ASIC3: variants seen among roughly 807,000 people sequenced by gnomAD.
ASIC3 encodes the protein acid-sensing ion channel 3.
A neutral mutation model predicts 58.6 loss-of-function variants in ASIC3; 46 were observed. The ratio of observed to expected loss-of-function variants is 0.79; its 90% CI spans 0.62 to 1.00. ASIC3 has a LOEUF of 1.00. Ranked by LOEUF, ASIC3 falls within the 50% of genes least tolerant of loss-of-function variation. ASIC3 has a pLI of 0.00. For synonymous variants in ASIC3, 336 were observed against 300.2 expected, an observed-to-expected ratio of 1.12 and a Z score of -1.23; for missense variants, 770 against 735.0, an observed-to-expected ratio of 1.05 and a Z score of -0.55.
rs766867558 is a variant in ASIC3 at position 151,049,385 on chromosome 7, G to A, written c.500G>A (p.Arg167His). 29 of 1,602,922 alleles carry A rather than the reference G, an allele frequency of 1.8e-5. No individual in the cohort carries two copies. Among genetic ancestry groups the A allele is most frequent in the African/African-American group, 6.7e-5 (5 of 74,770 alleles). The part of the protein sequence containing the change: ...LDDMLLDCRF[R>H]GQPCGPENFT... ...GACATGCTGCTGGACTGTCGCTTCC[G>A]TGGCCAACCTTGTGGGCCTGAGAAC... Residue 167 changes from arginine to histidine, a missense_variant, in exon 1 of 11, where the codon CGT becomes CAT. Coordinates refer to ENST00000349064, the MANE Select transcript of ASIC3 (RefSeq NM_004769.4).
Position 151,049,065 on chromosome 7 carries a change from G to T in ASIC3, c.180G>T (p.Val60=). 2 of 1,613,360 alleles carry T rather than the reference G, an allele frequency of 1.2e-6. No homozygotes were observed. Among genetic ancestry groups the T allele is most frequent in the East Asian group, 4.5e-5 (2 of 44,870 alleles). Residue 60 remains valine (V), a synonymous_variant, in exon 1 of 11, where the codon GTG becomes GTT. Transcript: ENST00000349064. ...CAGTGGCCACCTTCCTCTACCAGGTGGCTGAGAGGGTGCGCTACTACAGGG... is the reference window on the plus strand; with the variant it reads ...CAGTGGCCACCTTCCTCTACCAGGTTGCTGAGAGGGTGCGCTACTACAGGG... ...VLSVATFLYQ[V]AERVRYYREF... is the part of the protein sequence containing the mutation.
In ASIC3 at chr7:151,052,234, T is replaced by C; in HGVS notation, c.1455T>C (p.Asn485=). The change falls in exon 9 of 11, where the codon AAT becomes AAC. Residue 485 remains asparagine (N), a synonymous_variant. Coordinates refer to ENST00000349064, the MANE Select transcript of ASIC3 (RefSeq NM_004769.4). This position sits in a 1 kb window ranked among gnomAD's most constrained non-coding sequence, Gnocchi z 5.0. ...RQHSQRHSST[N]LLQEGLGSHR... ...ACTCCCAAAGGCACTCCAGCACCAA[T>C]CTGGTAACAGCCCCTCTTCTGGAGC... 13 of 1,613,978 alleles carry C rather than the reference T, an allele frequency of 8.1e-6. No individual in the cohort carries two copies. Among genetic ancestry groups the C allele is most frequent in the Non-Finnish European group, 1.1e-5 (13 of 1,179,982 alleles).
intron 3 of ASIC3, 37 bp from the exon 4 acceptor site, chr7:151,050,721 C>T: frequency 1.2e-6 from 2 of 1,607,858 alleles, no homozygotes; most frequent in Non-Finnish European, 1.7e-6. Context: ...GCCTCTCACG[C>T]TCTCCGGGAA....
chr7:151,048,800 C>A lies in ASIC3; in HGVS notation c.-86C>A. ...CCTCTCCTTGCCTGGCCTCCTGAAT[C>A]CTATCTTAGCCTCCTTAGCCCCCTG... On this transcript the variant is annotated 5_prime_UTR_variant, in exon 1 of 11. Coordinates refer to ENST00000349064, the MANE Select transcript of ASIC3 (RefSeq NM_004769.4). The A allele has an allele frequency of 6.8e-7, 1 of 1,475,858 alleles. No homozygotes were observed. Among genetic ancestry groups the A allele is most frequent in the Non-Finnish European group, 9.1e-7 (1 of 1,100,626 alleles). 91.4% of individuals were successfully genotyped at this position (1,475,858 alleles called of 1,614,324 possible). A position where few individuals can be genotyped will look rare whatever the true frequency, so the allele number is the denominator to read the frequency against.
intron 3 of ASIC3, 33 bp downstream of exon 3, chr7:151,050,641 T>A (rs756159075): frequency 3.7e-6 from 6 of 1,613,020 alleles, no homozygotes; most frequent in East Asian, 4.5e-5. Flanking sequence ...ACCTACTACT[T>A]CAAGCCCACA....
At chr7:151,050,344 T>A in intron 2 of ASIC3, 88 bp downstream of exon 2, 1 of 1,566,310 alleles carries the variant, frequency 6.4e-7, no homozygotes. Flanking sequence ...GGTGTCAGGG[T>A]GTTCCCCCAG....
rs934171881 is a variant in ASIC3, at chr7:151,049,996, G to A, written c.535-110G>A. ...CGTGGGGCTGGGGGCATTGAGATGC[G>A]GGCTTCAGTATTCAAAGAAGAGACG... On this transcript the variant is annotated intron_variant, in intron 1 of 10. Coordinates refer to ENST00000349064, the MANE Select transcript of ASIC3 (RefSeq NM_004769.4). 3.3e-5 allele frequency: 47 copies of A among 1,428,976 alleles called. No homozygotes were observed. The East Asian group carries it at 7.1e-4, about 21-fold the overall frequency. 88.5% of individuals were successfully genotyped at this position (1,428,976 alleles called of 1,614,324 possible). A position where few individuals can be genotyped will look rare whatever the true frequency, so the allele number is the denominator to read the frequency against.
chr7:151,052,344 G>A lies in ASIC3; in HGVS notation c.1459-72G>A, dbSNP rs1796802546. 1.9e-6 allele frequency: 3 copies of A among 1,612,730 alleles called. No homozygotes were observed. The South Asian group carries it at 3.3e-5, about 18-fold the overall frequency. ...CAGCTGAGGAGAAACAGGCAGGAGG[G>A]TGTGCAGTGACCTCGACTGGTCCCT... On this transcript the variant is annotated intron_variant, in intron 9 of 10. Coordinates refer to ENST00000349064, the MANE Select transcript of ASIC3 (RefSeq NM_004769.4). This position sits in a 1 kb window ranked among gnomAD's most constrained non-coding sequence, Gnocchi z 5.0.
chr7:151,049,558 AC>A (rs1796717658), intron 1 of ASIC3, 139 bp downstream of exon 1: 2 of 1,033,904 alleles, frequency 1.9e-6, no homozygotes, highest in Non-Finnish European at 2.7e-6. Context: ...TGGACTCCCC[AC>A]CCCCCAGTGC....
chr7:151,051,920 C>CA lies in ASIC3; in HGVS notation c.1306+20dup. On this transcript the variant is annotated intron_variant, in intron 7 of 10. Coordinates refer to ENST00000349064, the MANE Select transcript of ASIC3 (RefSeq NM_004769.4). ...CTGCTTGGTGTGTGTGCAGGGCCCC[C>CA]AGGGCTGGGGGGGTGTGGGCAGGCA... 6.2e-7 allele frequency: 1 copy of CA among 1,613,506 alleles called. No individual in the cohort carries two copies. The highest frequency in any genetic ancestry group is 8.5e-7 in the Non-Finnish European group (1 of 1,179,876).
upstream of ASIC3, chr7:151,048,421 A>T (rs1020803409): frequency 6.0e-6 from 1 of 165,470 alleles, no homozygotes; most frequent in Non-Finnish European, 1.3e-5. Context: ...TTGGACAGCC[A>T]TGCCCCCCTC....
intron 1 of ASIC3, 70 bp downstream of exon 1, chr7:151,049,489 A>G (rs1484229395): frequency 2.0e-6 from 3 of 1,500,936 alleles, no homozygotes; most frequent in African/African-American, 2.8e-5. Context: ...AGCACCCACA[A>G]TTCCCTAGCC....
At chr7:151,051,384 G>A (rs2150359484) in intron 6 of ASIC3, 65 bp downstream of exon 6, 5 of 1,415,008 alleles carry the variant, frequency 3.5e-6, no homozygotes, top group Middle Eastern at 2.6e-4. Flanking sequence ...GAACGGGGCA[G>A]GCCAGGCCGT....
intron 6 of ASIC3, 56 bp from the exon 7 acceptor site, chr7:151,051,754 C>A: frequency 6.3e-7 from 1 of 1,575,662 alleles, no homozygotes; most frequent in Non-Finnish European, 8.7e-7. Context: ...TGCTTCTTGC[C>A]AGCAGTGGGC....
chr7:151,048,935 T>C lies in ASIC3; in HGVS notation c.50T>C (p.Ile17Thr). The C allele has an allele frequency of 6.3e-7, 1 of 1,576,844 alleles. No individual in the cohort carries two copies. The stretch of plus-strand genomic sequence containing the variant: ...GAGGCCCGGCGGCCAGCCTCGGACA[T>C]CCGCGTGTTCGCCAGCAACTGCTCG... ...PEEARRPASDIRVFASNCSMH... is the reference protein window; with the variant it reads ...PEEARRPASDTRVFASNCSMH... The change falls in exon 1 of 11, where the codon ATC (isoleucine) becomes ACC (threonine). Residue 17 changes from isoleucine to threonine, a missense_variant. By Grantham distance (89) the Ile-to-Thr change is moderately conservative (BLOSUM62 -1). Transcript: ENST00000349064.
rs1230255899 is a variant in ASIC3 at position 151,052,383 on chromosome 7, C to G, written c.1459-33C>G. The G allele has an allele frequency of 6.2e-7, 1 of 1,613,582 alleles. No individual in the cohort carries two copies. Among genetic ancestry groups the G allele is most frequent in the East Asian group, 2.2e-5 (1 of 44,892 alleles). On this transcript the variant is annotated intron_variant, in intron 9 of 10. Coordinates refer to ENST00000349064, the MANE Select transcript of ASIC3 (RefSeq NM_004769.4). This position sits in a 1 kb window ranked among gnomAD's most constrained non-coding sequence, Gnocchi z 5.0. ...CGACTGGTCCCTGGGAGGAGGACCA[C>G]TCCCCACCTCTGACCCTCTCGTCCT...
intron 1 of ASIC3, 84 bp from the exon 2 acceptor site, chr7:151,050,022 C>A (rs750000545): frequency 3.8e-6 from 6 of 1,579,684 alleles, no homozygotes; most frequent in Non-Finnish European, 4.3e-6. Flanking sequence ...AGAAGAGACG[C>A]AAACATACCA....
chr7:151,052,598 CACCAAG>C lies in ASIC3; in HGVS notation c.1545_1550del (p.Lys516_Thr517del). ...GACCTCCCACCCCTCCCTGTGCCGTCACCAAGACTCTCTCCGCCTCCCACCGCACCT... is the reference window on the plus strand; with the variant it reads ...GACCTCCCACCCCTCCCTGTGCCGTCACTCTCTCCGCCTCCCACCGCACCT... On this transcript the variant is annotated inframe_deletion, in exon 11 of 11. Coordinates refer to ENST00000349064, the MANE Select transcript of ASIC3 (RefSeq NM_004769.4). This position sits in a 1 kb window ranked among gnomAD's most constrained non-coding sequence, Gnocchi z 5.0. The C allele has an allele frequency of 6.2e-7, 1 of 1,614,122 alleles. No homozygotes were observed. The highest frequency in any genetic ancestry group is 8.5e-7 in the Non-Finnish European group (1 of 1,180,000).
chr7:151,051,004 G>A, intron 4 of ASIC3, 35 bp from the exon 5 acceptor site: 1 of 1,613,220 alleles, frequency 6.2e-7, no homozygotes, highest in Non-Finnish European at 8.5e-7. Context: ...AGGGAGCTGA[G>A]GCTGCTTCTA....
Sources: gnomAD v4.1 joint callset for allele counts on GRCh38, gnomAD v4.1.1 for gene constraint, Gnocchi (gnomAD v3.1) non-coding constraint, MANE v1.5 for transcripts, NCBI Gene and HGNC (gene_info 2026-07-23, HGNC 2026-07-21) for gene names.